CNTN5: variants seen among roughly 807,000 people sequenced by gnomAD.
The protein encoded by CNTN5 is contactin 5.
CNTN5 carries 77 observed loss-of-function variants against 129.1 expected under a neutral mutation model. The observed-to-expected ratio is 0.60, with a 90% CI of 0.50 to 0.72. The LOEUF is 0.72. CNTN5 is among the 30% of genes least tolerant of loss of function. CNTN5 has a pLI of 0.00. For missense variants in CNTN5, 1,478 were observed against 1,328.8 expected (o/e 1.11, Z -1.75); for synonymous variants, 509 against 465.6 (o/e 1.09, Z -1.20).
intron 13 of CNTN5, among the ~76,000 whole-genome samples, chr11:100,091,867 G>A (rs1455728771): frequency 6.6e-6 from 1 of 152,046 alleles, no homozygotes; most frequent in Non-Finnish European, 1.5e-5. Flanking sequence ...AATTTTTGGA[G>A]TAACACATGT....
intron 6 of CNTN5, among the ~76,000 whole-genome samples, chr11:99,898,700 C>T (rs907544756): frequency 1.8e-4 from 28 of 151,646 alleles, no homozygotes; most frequent in African/African-American, 2.4e-4. Flanking sequence ...TGGTGACTAC[C>T]GTGATTTTTT....
intron 3 of CNTN5, among the ~76,000 whole-genome samples, chr11:99,651,041 T>C (rs1266200441): frequency 1.3e-5 from 2 of 151,976 alleles, no homozygotes; most frequent in African/African-American, 4.8e-5. Flanking sequence ...ATTCTCAATA[T>C]ATGCTCCAAC....
intron 2 of CNTN5, among the ~76,000 whole-genome samples, chr11:99,345,553 A>T (rs1937787188): frequency 1.3e-5 from 2 of 152,228 alleles, no homozygotes; most frequent in Admixed American, 1.3e-4. Flanking sequence ...TTTACAAAAA[A>T]GGAATATGAG....
intron 6 of CNTN5, among the ~76,000 whole-genome samples, chr11:99,904,673 G>A (rs926566837): frequency 3.9e-5 from 6 of 151,996 alleles, no homozygotes; most frequent in African/African-American, 1.5e-4. Flanking sequence ...GCGATTGCTG[G>A]GTCAAATGGT....
intron 6 of CNTN5, among the ~76,000 whole-genome samples, chr11:99,894,993 T>C (rs912138931): frequency 6.6e-6 from 1 of 152,216 alleles, no homozygotes; most frequent in African/African-American, 2.4e-5. Flanking sequence ...TAATTTGTAG[T>C]TAGCACTTCC....
At chr11:99,737,034 C>T (rs947234475) in intron 3 of CNTN5, among the ~76,000 whole-genome samples, 8 of 152,156 alleles carry the variant, frequency 5.3e-5, no homozygotes, top group African/African-American at 1.7e-4. Flanking sequence ...CTAATAATGC[C>T]TTCTGTCGTC....
rs917826724 is a variant in CNTN5 at position 100,297,194 on chromosome 11, G to C, written c.2315-431G>C. ...TTAACAACAACAAAAGAAATGTACT[G>C]AAGCTTCCTGGGGGTTCTGGTAAGG... On this transcript the variant is annotated intron_variant, in intron 18 of 24. Coordinates refer to ENST00000524871, the MANE Select transcript of CNTN5 (RefSeq NM_014361.4). Among the ~76,000 whole-genome samples the C allele has an allele frequency of 4.0e-4, 61 of 151,556 alleles. 1 individual carries two copies. The highest frequency in any genetic ancestry group is 1.4e-3 in the African/African-American group (58 of 41,448).
intron 9 of CNTN5, among the ~76,000 whole-genome samples, chr11:100,020,911 A>T (rs1941104861): frequency 6.6e-6 from 1 of 152,114 alleles, no homozygotes. Context: ...TTGATGAGAG[A>T]AATTGAAGAA....
chr11:100,257,687 A>G (rs1950104351), intron 17 of CNTN5, among the ~76,000 whole-genome samples: 1 of 152,200 alleles, frequency 6.6e-6, no homozygotes, highest in Non-Finnish European at 1.5e-5. Flanking sequence ...GCAGACCTGC[A>G]GCAGAGGGAC....
At chr11:100,137,931 G>A (rs565034132) in intron 13 of CNTN5, among the ~76,000 whole-genome samples, 53 of 152,176 alleles carry the variant, frequency 3.5e-4, no homozygotes, top group African/African-American at 1.3e-3. Flanking sequence ...CAAAATGATG[G>A]AAATATCTAG....
chr11:100,207,216 G>A (rs897429111), intron 15 of CNTN5, among the ~76,000 whole-genome samples: 2 of 152,014 alleles, frequency 1.3e-5, no homozygotes, highest in South Asian at 2.1e-4. Flanking sequence ...AAATAAACTC[G>A]AGGAGAAATT....
At chr11:99,337,295 G>GAC (rs1449279831) in intron 2 of CNTN5, among the ~76,000 whole-genome samples, 2 of 152,244 alleles carry the variant, frequency 1.3e-5, no homozygotes, top group African/African-American at 2.4e-5. Flanking sequence ...AGGAATTAAA[G>GAC]ACACACACAC....
At chr11:99,734,022 G>A (rs527693103) in intron 3 of CNTN5, among the ~76,000 whole-genome samples, 4 of 152,268 alleles carry the variant, frequency 2.6e-5, no homozygotes, top group Admixed American at 2.0e-4. Context: ...GCTTCTTACT[G>A]TGGTCAGCTT....
intron 6 of CNTN5, among the ~76,000 whole-genome samples, chr11:99,849,477 A>G (rs1947806425): frequency 6.6e-6 from 1 of 151,996 alleles, no homozygotes. Flanking sequence ...CACTAATAAC[A>G]GCTTGCCTTC....
chr11:99,887,237 T>C (rs563693684), intron 6 of CNTN5, among the ~76,000 whole-genome samples: 1 of 152,238 alleles, frequency 6.6e-6, no homozygotes, highest in Non-Finnish European at 1.5e-5. Context: ...ATTTCCACCG[T>C]GGTTTTGACC....
intron 2 of CNTN5, among the ~76,000 whole-genome samples, chr11:99,463,458 A>AAC (rs1554994441): frequency 2.0e-5 from 3 of 151,098 alleles, no homozygotes; most frequent in African/African-American, 7.3e-5. Flanking sequence ...AAAAAAAAAA[A>AAC]ACAATAGAAG....
chr11:100,255,017 A>G (rs2138723701), intron 16 of CNTN5, among the ~76,000 whole-genome samples: 1 of 152,344 alleles, frequency 6.6e-6, no homozygotes, highest in South Asian at 2.1e-4. Flanking sequence ...TCGTTCTTAA[A>G]GATGAAGTCC....
intron 7 of CNTN5, among the ~76,000 whole-genome samples, chr11:99,938,609 A>T (rs1393806704): frequency 6.6e-6 from 1 of 152,052 alleles, no homozygotes; most frequent in Non-Finnish European, 1.5e-5. Context: ...TAACCTTGAA[A>T]TTTTTGTCCT....
At chr11:100,065,652 A>C (rs1461471013) in intron 10 of CNTN5, among the ~76,000 whole-genome samples, 1 of 152,026 alleles carries the variant, frequency 6.6e-6, no homozygotes, top group Non-Finnish European at 1.5e-5. Flanking sequence ...TGGCAGTGAC[A>C]CCAGGATTCA....
Sources: gnomAD v4.1 joint callset for allele counts (sites outside exome capture counted in the v4.1 genomes callset) on GRCh38, gnomAD v4.1.1 for gene constraint, MANE v1.5 for transcripts, NCBI Gene and HGNC (gene_info 2026-07-23, HGNC 2026-07-21) for gene names.